GLDC: variants seen among roughly 807,000 people sequenced by gnomAD.
GLDC encodes the protein glycine decarboxylase, also known as glycine dehydrogenase (decarboxylating), mitochondrial.
Under a neutral mutation model 121.3 loss-of-function variants are expected in GLDC, and 104 were observed. The ratio of observed to expected loss-of-function variants is 0.86; its 90% CI spans 0.73 to 1.01. GLDC has a LOEUF of 1.01. GLDC is among the 50% of genes least tolerant of loss of function. The pLI is 0.00. For synonymous variants in GLDC, 546 were observed against 480.6 expected, an observed-to-expected ratio of 1.14 and a Z score of -1.78; for missense variants, 1,429 against 1,306.6, an observed-to-expected ratio of 1.09 and a Z score of -1.44.
chr9:6,554,998 G>A (rs1197548090), intron 18 of GLDC: 2 of 613,960 alleles, frequency 3.3e-6, no homozygotes, highest in African/African-American at 1.8e-5. Context: ...TATGGAAATA[G>A]CAACTGACCA....
chr9:6,640,930 T>C (rs1658978), intron 2 of GLDC, among the ~76,000 whole-genome samples: 44,822 of 152,130 alleles, frequency 0.29, 7,136 homozygotes, highest in East Asian at 0.51. Context: ...GAAATCAGTG[T>C]TGCCAGTGAC....
chr9:6,620,249 G>A lies in GLDC; in HGVS notation c.405C>T (p.Gly135=), dbSNP rs1246506568. ...GCACTGAGCAGTTATAATAGCCCAT[G>A]CCAATATACGATCTCCAGATCTGGT... is the stretch of plus-strand genomic sequence containing the variant. ...SKNQIWRSYI[G]MGYYNCSVPQ... Residue 135 remains glycine, a synonymous_variant, in exon 3 of 25, where the codon GGC becomes GGT. Coordinates refer to ENST00000321612, the MANE Select transcript of GLDC (RefSeq NM_000170.3). 1 of 1,613,044 alleles carries A rather than the reference G, an allele frequency of 6.2e-7. No individual in the cohort carries two copies.
chr9:6,546,964 A>AAAT (rs5896159), intron 21 of GLDC, among the ~76,000 whole-genome samples: 2,313 of 151,392 alleles, frequency 0.015, 29 homozygotes, highest in African/African-American at 0.035. Flanking sequence ...TCTGTCTCAA[A>AAAT]AATAATAATA....
At position 6,629,959 on chromosome 9, in the gene GLDC, T is replaced by TATATATA. The variant is rs1449751329; in HGVS notation, c.335-9641_335-9640insTATATAT. Among the ~76,000 whole-genome samples the TATATATA allele has an allele frequency of 1.7e-3, 95 of 55,842 alleles. 8 individuals are homozygous for TATATATA. Among genetic ancestry groups the TATATATA allele is most frequent in the African/African-American group, 0.014 (93 of 6,666 alleles). The allele number at this position is 55,842 out of a possible 152,430, so 36.6% of individuals were successfully genotyped here. A position where few individuals can be genotyped will look rare whatever the true frequency, so the allele number is the denominator to read the frequency against. On this transcript the variant is annotated intron_variant, in intron 2 of 24. Transcript: ENST00000321612. ...TATATATATATGTATATATATATAT[T>TATATATA]TTTTTTTTTTAAGAGAGACAAGGTC...
At chr9:6,573,419 C>T (rs1201128642) in intron 15 of GLDC, among the ~76,000 whole-genome samples, 1 of 152,056 alleles carries the variant, frequency 6.6e-6, no homozygotes, top group African/African-American at 2.4e-5. Flanking sequence ...TGAGATCGTG[C>T]CACTGTACTC....
intron 2 of GLDC, among the ~76,000 whole-genome samples, chr9:6,628,985 G>A (rs1442492191): frequency 1.3e-5 from 2 of 151,890 alleles, no homozygotes; most frequent in Non-Finnish European, 2.9e-5. Flanking sequence ...GAGTTCAGTG[G>A]CCTCTAGGCA....
chr9:6,567,977 T>C (rs886989202), intron 15 of GLDC, among the ~76,000 whole-genome samples: 1 of 152,230 alleles, frequency 6.6e-6, no homozygotes, highest in Non-Finnish European at 1.5e-5. Context: ...AGGCAATCAA[T>C]ATGAATGTCA....
At chr9:6,589,584 C>G (rs1451673220) in intron 11 of GLDC, among the ~76,000 whole-genome samples, 1 of 151,788 alleles carries the variant, frequency 6.6e-6, no homozygotes, top group African/African-American at 2.4e-5. Context: ...CATGCCACCA[C>G]ACCTGGCTGA....
chr9:6,546,770 C>G (rs749827613), intron 21 of GLDC, among the ~76,000 whole-genome samples: 2 of 151,516 alleles, frequency 1.3e-5, no homozygotes, highest in African/African-American at 4.8e-5. Context: ...GAGACCAGCC[C>G]GGGCAACAGG....
chr9:6,610,483 C>CA lies in GLDC; in HGVS notation c.471-128dup, dbSNP rs1818829799. 17 of 816,506 alleles carry CA rather than the reference C, an allele frequency of 2.1e-5. No individual in the cohort carries two copies. In the South Asian group the frequency reaches 2.5e-4, roughly 12 times the overall value. 50.6% of individuals were successfully genotyped at this position (816,506 alleles called of 1,614,324 possible). ...TCTTGAGGAGAATTACATAACACAC[C>CA]AGTAAGCTTCTTTTTGGCCTTTGTA... On this transcript the variant is annotated intron_variant, in intron 3 of 24. Coordinates refer to ENST00000321612, the MANE Select transcript of GLDC (RefSeq NM_000170.3).
chr9:6,553,593 C>G, intron 19 of GLDC, 84 bp from the exon 20 acceptor site: 2 of 1,378,864 alleles, frequency 1.5e-6, no homozygotes, highest in Admixed American at 1.7e-5. Flanking sequence ...TCCCAGAAAG[C>G]CTTGTTCTTA....
chr9:6,637,810 G>A (rs565393945), intron 2 of GLDC, among the ~76,000 whole-genome samples: 13 of 151,960 alleles, frequency 8.6e-5, no homozygotes, highest in Admixed American at 7.2e-4. Flanking sequence ...TAATAAGAAA[G>A]GAAAAACTGA....
rs75439312 is a variant in GLDC, at chr9:6,534,419, C to T, written c.2919+289G>A. 0.014 allele frequency among the ~76,000 whole-genome samples: 2,149 copies of T among 152,182 alleles called. 49 individuals carry two copies. Among genetic ancestry groups the T allele is most frequent in the African/African-American group, 0.049 (2,044 of 41,482 alleles). ...GAAAGGAAAGGAAGGTTGCACTGGG[C>T]GCCATCTCCCTGTCCCACAGTGGAG... On this transcript the variant is annotated intron_variant, in intron 24 of 24. Coordinates refer to ENST00000321612, the MANE Select transcript of GLDC (RefSeq NM_000170.3).
At chr9:6,626,261 C>A (rs1411652007) in intron 2 of GLDC, among the ~76,000 whole-genome samples, 1 of 152,146 alleles carries the variant, frequency 6.6e-6, no homozygotes, top group African/African-American at 2.4e-5. Context: ...TAGGATCTCA[C>A]CCAAAGGAAG....
chr9:6,632,829 A>G (rs1819416028), intron 2 of GLDC, among the ~76,000 whole-genome samples: 2 of 152,098 alleles, frequency 1.3e-5, no homozygotes, highest in African/African-American at 4.8e-5. Flanking sequence ...CTCAGTCACC[A>G]CATTTCTCTG....
chr9:6,549,630 C>T (rs773694857), intron 21 of GLDC, among the ~76,000 whole-genome samples: 2 of 152,128 alleles, frequency 1.3e-5, no homozygotes, highest in Non-Finnish European at 2.9e-5. Context: ...CTATTAGGTC[C>T]TGAGCCCACA....
At chr9:6,593,286 T>TATATATATATATAA (rs1333210071) in intron 9 of GLDC, among the ~76,000 whole-genome samples, 1 of 150,606 alleles carries the variant, frequency 6.6e-6, no homozygotes, top group African/African-American at 2.4e-5. Flanking sequence ...TATATATATA[T>TATATATATATATAA]AAAATTATAC....
intron 15 of GLDC, among the ~76,000 whole-genome samples, chr9:6,576,864 C>G (rs1050307384): frequency 6.6e-6 from 1 of 152,192 alleles, no homozygotes; most frequent in African/African-American, 2.4e-5. Flanking sequence ...ACTGTCTATT[C>G]CTGAATTAAA....
In GLDC at chr9:6,623,435, A is replaced by G. The variant is rs549187380; in HGVS notation, c.335-3116T>C. 1.1e-4 allele frequency among the ~76,000 whole-genome samples: 17 copies of G among 148,664 alleles called. No homozygotes were observed. In the East Asian group the frequency reaches 3.0e-3, roughly 26 times the overall value. ...GAAGGCAGCATGCTCGTTAAGAGTC[A>G]TCACCACTCCGTAATCTCAAGTACC... On this transcript the variant is annotated intron_variant, in intron 2 of 24. Coordinates refer to ENST00000321612, the MANE Select transcript of GLDC (RefSeq NM_000170.3).
Sources: gnomAD v4.1 joint callset for allele counts (sites outside exome capture counted in the v4.1 genomes callset) on GRCh38, gnomAD v4.1.1 for gene constraint, MANE v1.5 for transcripts, NCBI Gene and HGNC (gene_info 2026-07-23, HGNC 2026-07-21) for gene names.